The following TENM4 variants were observed in gnomAD, a reference collection of about 807,000 sequenced individuals.
TENM4 encodes teneurin-4.
A neutral mutation model predicts 243.3 loss-of-function variants in TENM4; 82 were observed. That is an observed-to-expected ratio of 0.34 (90% CI 0.28 to 0.40). The LOEUF is 0.40. Ranked by LOEUF, TENM4 falls within the 10% of genes least tolerant of loss-of-function variation. The probability of loss-of-function intolerance (pLI) is 1.00; values close to 1 mark genes in which losing one functional copy is unlikely to be tolerated. For synonymous variants in TENM4, 1,412 were observed against 1,456.3 expected (o/e 0.97, Z 0.69); for missense variants, 3,138 against 3,673.3 (o/e 0.85, Z 3.77).
At position 79,250,056 on chromosome 11, in the gene TENM4, G is replaced by A. The variant is rs181563522; in HGVS notation, c.-264-34147C>T. Among the ~76,000 whole-genome samples, 9 of 152,272 alleles carry A rather than the reference G, an allele frequency of 5.9e-5. No individual in the cohort carries two copies. The East Asian group carries it at 1.7e-3, about 29-fold the overall frequency. Reference sequence around the variant, plus strand: ...GCTGGAGTGCAATGGCGTGATCTCAGCTCACTTCAACCTCTGTCTCCCCTG... The same window carrying A: ...GCTGGAGTGCAATGGCGTGATCTCAACTCACTTCAACCTCTGTCTCCCCTG... On this transcript the variant is annotated intron_variant, in intron 2 of 33. Coordinates refer to ENST00000278550, the MANE Select transcript of TENM4 (RefSeq NM_001098816.3).
chr11:78,941,980 A>G (rs916190422), intron 6 of TENM4, among the ~76,000 whole-genome samples: 1 of 151,820 alleles, frequency 6.6e-6, no homozygotes, highest in Non-Finnish European at 1.5e-5. Flanking sequence ...GTGGTGGACC[A>G]GGGCTCACTG....
At chr11:78,916,591 G>C (rs1423910476) in intron 6 of TENM4, among the ~76,000 whole-genome samples, 3 of 152,048 alleles carry the variant, frequency 2.0e-5, no homozygotes, top group African/African-American at 7.2e-5. Context: ...ATTCCACCAT[G>C]TAGAACTAGA....
rs539938820 is a variant in TENM4, at chr11:78,775,854, G to T, written c.2392+2748C>A. Among the ~76,000 whole-genome samples the T allele has an allele frequency of 1.3e-4, 20 of 152,252 alleles. No individual in the cohort carries two copies. The South Asian group carries it at 3.9e-3, about 30-fold the overall frequency. ...GAAATGATGCCCTTTAAATGACAAG[G>T]GACCACTTTATCTTCAATCTCCTGC... On this transcript the variant is annotated intron_variant, in intron 17 of 33. Coordinates refer to ENST00000278550, the MANE Select transcript of TENM4 (RefSeq NM_001098816.3).
intron 18 of TENM4, among the ~76,000 whole-genome samples, chr11:78,764,252 T>C (rs1337673185): frequency 6.6e-6 from 1 of 152,190 alleles, no homozygotes; most frequent in African/African-American, 2.4e-5. Flanking sequence ...ATAAGGACAC[T>C]GGGGCTCAGG....
At chr11:79,295,682 G>T (rs1856437860) in intron 2 of TENM4, among the ~76,000 whole-genome samples, 1 of 152,130 alleles carries the variant, frequency 6.6e-6, no homozygotes, top group Admixed American at 6.5e-5. Flanking sequence ...AAAAGGCTTT[G>T]GAGAGACCAA....
intron 6 of TENM4, among the ~76,000 whole-genome samples, chr11:79,005,994 A>G (rs1858472167): frequency 6.6e-6 from 1 of 152,228 alleles, no homozygotes; most frequent in South Asian, 2.1e-4. Context: ...CTGAAATCAC[A>G]CAAAGTATTT....
At chr11:78,961,674 A>C (rs1043251025) in intron 6 of TENM4, among the ~76,000 whole-genome samples, 1 of 152,082 alleles carries the variant, frequency 6.6e-6, no homozygotes, top group Non-Finnish European at 1.5e-5. Context: ...CAGTTTTTCC[A>C]GTGAAAATGG....
intron 3 of TENM4, among the ~76,000 whole-genome samples, chr11:79,187,533 T>G (rs1863400870): frequency 6.6e-6 from 1 of 152,192 alleles, no homozygotes; most frequent in Non-Finnish European, 1.5e-5. Flanking sequence ...CCTCCTCCCA[T>G]GACTGCCTCC....
chr11:79,395,369 G>C (rs1858321515), intron 1 of TENM4, among the ~76,000 whole-genome samples: 1 of 152,196 alleles, frequency 6.6e-6, no homozygotes, highest in South Asian at 2.1e-4. Context: ...TGAGGATCCA[G>C]GGGTGAATCA....
At chr11:78,859,184 C>A (rs1034289996) in intron 10 of TENM4, among the ~76,000 whole-genome samples, 2 of 152,138 alleles carry the variant, frequency 1.3e-5, no homozygotes, top group Non-Finnish European at 2.9e-5. Flanking sequence ...CATTAAAAAA[C>A]TTCCTGGCAT....
chr11:79,149,304 A>C (rs1862450201), intron 3 of TENM4, among the ~76,000 whole-genome samples: 1 of 152,070 alleles, frequency 6.6e-6, no homozygotes, highest in Admixed American at 6.6e-5. Flanking sequence ...TTATTTACTT[A>C]TATTTGCTGT....
chr11:79,054,425 A>G (rs987348085), intron 6 of TENM4, among the ~76,000 whole-genome samples: 1 of 152,126 alleles, frequency 6.6e-6, no homozygotes, highest in Non-Finnish European at 1.5e-5. Context: ...ATCATGAATC[A>G]TGGAGTTTTT....
intron 1 of TENM4, among the ~76,000 whole-genome samples, chr11:79,298,517 G>A (rs1265760389): frequency 4.0e-5 from 4 of 100,180 alleles, no homozygotes; most frequent in Middle Eastern, 9.1e-3. Flanking sequence ...GCAAGACTCC[G>A]TCTCAAAAAA....
intron 28 of TENM4, among the ~76,000 whole-genome samples, chr11:78,694,866 G>A (rs555810458): frequency 3.3e-5 from 5 of 152,184 alleles, no homozygotes; most frequent in Non-Finnish European, 5.9e-5. Context: ...CAGTGGCTGC[G>A]TGGATCCATG....
intron 2 of TENM4, among the ~76,000 whole-genome samples, chr11:79,279,798 C>T (rs1395741475): frequency 3.3e-5 from 5 of 152,190 alleles, no homozygotes; most frequent in Admixed American, 2.6e-4. Flanking sequence ...CAAATATCCT[C>T]TTGCTATGGT....
chr11:79,031,965 C>T (rs781291322), intron 6 of TENM4, among the ~76,000 whole-genome samples: 3 of 152,134 alleles, frequency 2.0e-5, no homozygotes, highest in African/African-American at 7.2e-5. Context: ...CACAACAAAG[C>T]GTTGTCTGGC....
At chr11:79,028,918 C>T (rs749834973) in intron 6 of TENM4, among the ~76,000 whole-genome samples, 25 of 152,122 alleles carry the variant, frequency 1.6e-4, no homozygotes, top group Non-Finnish European at 4.4e-5. Flanking sequence ...CTGAGTTTAA[C>T]AAGCACACTA....
At chr11:79,238,664 TTC>T (rs61547277) in intron 2 of TENM4, among the ~76,000 whole-genome samples, 16 of 149,666 alleles carry the variant, frequency 1.1e-4, no homozygotes, top group East Asian at 7.9e-4. Flanking sequence ...ATAAATCTCT[TTC>T]TCTCTCTCTC....
intron 1 of TENM4, among the ~76,000 whole-genome samples, chr11:79,388,907 A>G (rs554848266): frequency 1.3e-5 from 2 of 152,334 alleles, no homozygotes; most frequent in South Asian, 4.1e-4. Flanking sequence ...GTGCATTCCC[A>G]GAGGGAACAG....
Sources: allele counts gnomAD v4.1 joint callset (sites outside exome capture counted in the v4.1 genomes callset), GRCh38; gene constraint gnomAD v4.1.1; transcripts MANE v1.5; gene names NCBI Gene and HGNC (gene_info 2026-07-23, HGNC 2026-07-21).